Variants in COL25A1 observed in about 807,000 individuals in gnomAD.
COL25A1 encodes the protein collagen type XXV alpha 1 chain, also known as collagen alpha-1(XXV) chain.
COL25A1 carries 103 observed loss-of-function variants against 128.4 expected under a neutral mutation model. The observed-to-expected ratio is 0.80, with a 90% CI of 0.68 to 0.94. The LOEUF is 0.94. Ranked by LOEUF, COL25A1 falls within the 40% of genes least tolerant of loss-of-function variation. The pLI is 0.00. For synonymous variants in COL25A1, 279 were observed against 277.2 expected (o/e 1.01, Z -0.06); for missense variants, 745 against 840.0 (o/e 0.89, Z 1.40).
At chr4:109,132,602 G>A (rs976864034) in intron 3 of COL25A1, among the ~76,000 whole-genome samples, 2 of 152,016 alleles carry the variant, frequency 1.3e-5, no homozygotes, top group African/African-American at 2.4e-5. Context: ...TAAGTAAAAG[G>A]AGAAATTTTG....
chr4:108,902,257 G>T (rs1046264234), intron 13 of COL25A1, among the ~76,000 whole-genome samples: 4 of 151,894 alleles, frequency 2.6e-5, no homozygotes, highest in Non-Finnish European at 5.9e-5. Flanking sequence ...TAAGTGCCAG[G>T]ATCTTTATAT....
At chr4:109,230,106 T>G (rs62324323) in intron 3 of COL25A1, among the ~76,000 whole-genome samples, 10,885 of 152,220 alleles carry the variant, frequency 0.072, 896 homozygotes, top group African/African-American at 0.2. Context: ...TCCGCCTCCA[T>G]GACCCAAACA....
chr4:108,836,393 A>C (rs1242527086), intron 31 of COL25A1, among the ~76,000 whole-genome samples: 1 of 152,196 alleles, frequency 6.6e-6, no homozygotes, highest in East Asian at 1.9e-4. Context: ...CAGTTACATT[A>C]TAACATTTGA....
At chr4:108,904,259 G>T (rs11098009) in intron 13 of COL25A1, among the ~76,000 whole-genome samples, 1 of 151,842 alleles carries the variant, frequency 6.6e-6, no homozygotes, top group South Asian at 2.1e-4. Flanking sequence ...AGACATGACA[G>T]GTGCCTGTGC....
chr4:109,127,605 A>C (rs1211649977), intron 3 of COL25A1, among the ~76,000 whole-genome samples: 1 of 152,004 alleles, frequency 6.6e-6, no homozygotes, highest in Admixed American at 6.6e-5. Flanking sequence ...TAGGATTACA[A>C]GTGTGAGCCA....
chr4:109,152,872 C>T (rs1035175834), intron 3 of COL25A1, among the ~76,000 whole-genome samples: 5 of 151,902 alleles, frequency 3.3e-5, no homozygotes, highest in African/African-American at 9.7e-5. Context: ...GGAAAGGAAT[C>T]GGGGGAGTAC....
chr4:108,824,220 GGGAAGCCCTGTAA>G lies in COL25A1; in HGVS notation c.1792-6_1798del, dbSNP rs775317148. The G allele has an allele frequency of 6.2e-7, 1 of 1,611,402 alleles. No individual in the cohort carries two copies. The highest frequency in any genetic ancestry group is 8.5e-7 in the Non-Finnish European group (1 of 1,178,824). Reference sequence around the variant, plus strand: ...ATCACCCTTCTCACCCCGTGGACCAGGGAAGCCCTGTAAGATAAAAAGCAAACCAAAAAGATCT... The same window carrying G: ...ATCACCCTTCTCACCCCGTGGACCAGGATAAAAAGCAAACCAAAAAGATCT... On this transcript the variant is annotated splice_acceptor_variant and splice_polypyrimidine_tract_variant and coding_sequence_variant and intron_variant, in exon 35 of 38. Coordinates refer to ENST00000399132, the MANE Select transcript of COL25A1 (RefSeq NM_198721.4). LOFTEE classifies it high-confidence loss of function.
chr4:108,845,357 T>A (rs776036638), intron 28 of COL25A1, 106 bp from the exon 29 acceptor site: 49 of 829,132 alleles, frequency 5.9e-5, no homozygotes, highest in Non-Finnish European at 9.1e-5. Flanking sequence ...TTTTATAATA[T>A]TATGCACTTG....
intron 11 of COL25A1, among the ~76,000 whole-genome samples, chr4:108,923,505 C>G (rs1028728165): frequency 6.6e-6 from 1 of 151,192 alleles, no homozygotes; most frequent in Non-Finnish European, 1.5e-5. Context: ...GTCACCATGC[C>G]TGGCTAAGTT....
intron 3 of COL25A1, among the ~76,000 whole-genome samples, chr4:109,213,118 G>T (rs915483759): frequency 1.3e-5 from 2 of 152,112 alleles, no homozygotes; most frequent in African/African-American, 4.8e-5. Flanking sequence ...GACTAAAAAA[G>T]CTAGAATGAA....
intron 16 of COL25A1, among the ~76,000 whole-genome samples, chr4:108,892,556 T>C (rs1741636691): frequency 6.6e-6 from 1 of 152,240 alleles, no homozygotes; most frequent in African/African-American, 2.4e-5. Context: ...GTTATAATCC[T>C]TGTCCTTGTC....
At chr4:108,850,535 C>T (rs1222375004) in intron 26 of COL25A1, among the ~76,000 whole-genome samples, 1 of 152,106 alleles carries the variant, frequency 6.6e-6, no homozygotes, top group Non-Finnish European at 1.5e-5. Flanking sequence ...GAGAATGACT[C>T]AACCCTCCTC....
intron 30 of COL25A1, among the ~76,000 whole-genome samples, chr4:108,842,441 A>T (rs1049904479): frequency 6.6e-6 from 1 of 152,216 alleles, no homozygotes; most frequent in Non-Finnish European, 1.5e-5. Flanking sequence ...CAGACTAGTC[A>T]ACTTAAATTA....
intron 3 of COL25A1, among the ~76,000 whole-genome samples, chr4:109,209,632 A>G (rs1435251263): frequency 6.6e-6 from 1 of 152,166 alleles, no homozygotes; most frequent in Non-Finnish European, 1.5e-5. Flanking sequence ...AACCTTCAGT[A>G]AATAATTATT....
At chr4:108,933,035 G>T (rs956902736) in intron 11 of COL25A1, among the ~76,000 whole-genome samples, 26 of 152,178 alleles carry the variant, frequency 1.7e-4, no homozygotes, top group African/African-American at 6.0e-4. Context: ...TAGATGCATG[G>T]CAGGATTAAA....
At chr4:109,086,510 T>C (rs532445902) in intron 3 of COL25A1, among the ~76,000 whole-genome samples, 1 of 152,242 alleles carries the variant, frequency 6.6e-6, no homozygotes, top group East Asian at 1.9e-4. Context: ...TGTGACGAGA[T>C]CTTTATAGTC....
chr4:108,860,870 A>T lies in COL25A1; in HGVS notation c.1242+57T>A. ...TCATATGAATAGCCATGCAGACATG[A>T]ATTCAAATCTGGGATTGTAGGGAGC... On this transcript the variant is annotated intron_variant, in intron 23 of 37. Coordinates refer to ENST00000399132, the MANE Select transcript of COL25A1 (RefSeq NM_198721.4). 3 of 1,403,036 alleles carry T rather than the reference A, an allele frequency of 2.1e-6. No individual in the cohort carries two copies. In the South Asian group the frequency reaches 3.5e-5, roughly 16 times the overall value. The allele number at this position is 1,403,036 out of a possible 1,614,324, so 86.9% of individuals were successfully genotyped here.
chr4:109,283,158 T>A (rs1463380361), intron 3 of COL25A1, among the ~76,000 whole-genome samples: 1 of 152,194 alleles, frequency 6.6e-6, no homozygotes, highest in Non-Finnish European at 1.5e-5. Flanking sequence ...GTTACTTCTT[T>A]TTTTCTCCAA....
At chr4:108,952,400 T>C (rs1464670953) in intron 8 of COL25A1, among the ~76,000 whole-genome samples, 1 of 152,130 alleles carries the variant, frequency 6.6e-6, no homozygotes, top group African/African-American at 2.4e-5. Flanking sequence ...AATTTGATTG[T>C]CAAACACTGC....
Sources: gnomAD v4.1 joint callset for allele counts (sites outside exome capture counted in the v4.1 genomes callset) on GRCh38, gnomAD v4.1.1 for gene constraint, MANE v1.5 for transcripts, NCBI Gene and HGNC (gene_info 2026-07-23, HGNC 2026-07-21) for gene names.